DAGLA: variants seen among roughly 807,000 people sequenced by gnomAD.
The protein encoded by DAGLA is diacylglycerol lipase-alpha.
A neutral mutation model predicts 102.6 loss-of-function variants in DAGLA; 22 were observed. That is an observed-to-expected ratio of 0.21 (90% confidence interval 0.15 to 0.31). The LOEUF (loss-of-function observed/expected upper bound fraction) is 0.31. Ranked by LOEUF, DAGLA falls within the 10% of genes least tolerant of loss-of-function variation. The pLI is 1.00. For synonymous variants in DAGLA, 578 were observed against 628.9 expected (o/e 0.92, Z 1.21); for missense variants, 927 against 1,446.6 (o/e 0.64, Z 5.83).
Position 61,722,978 on chromosome 11 carries a change from C to A in DAGLA, c.409+18C>A. ...CACCCTCGGTACGTCTGGGTGAGGC[C>A]TGCTGGAGCCTCAGCAGCCCCGGGG... On this transcript the variant is annotated intron_variant, in intron 4 of 19. Transcript: ENST00000257215. 6.3e-7 allele frequency: 1 copy of A among 1,580,326 alleles called. No homozygotes were observed. The highest frequency in any genetic ancestry group is 8.7e-7 in the Non-Finnish European group (1 of 1,149,412).
chr11:61,744,291 C>T lies in DAGLA; in HGVS notation c.2931C>T (p.Ala977=), dbSNP rs145101853. The change falls in exon 20 of 20, where the codon GCC becomes GCT. Residue 977 remains alanine, a synonymous_variant. Transcript: ENST00000257215. ...NLVPKPPRLF[A]GSADPSSGIS... is the part of the protein sequence containing the mutation. ...TGCCCAAGCCCCCACGGCTCTTTGC[C>T]GGCTCAGCCGACCCCTCCTCGGGCA... is the stretch of plus-strand genomic sequence containing the variant. 5.5e-5 allele frequency: 89 copies of T among 1,612,706 alleles called. No homozygotes were observed. The highest frequency in any genetic ancestry group is 6.5e-5 in the Non-Finnish European group (77 of 1,179,876).
chr11:61,737,569 C>A lies in DAGLA; in HGVS notation c.1515-118C>A. The A allele has an allele frequency of 2.7e-6, 3 of 1,122,466 alleles. No individual in the cohort carries two copies. The East Asian group carries it at 7.1e-5, about 27-fold the overall frequency. The allele number at this position is 1,122,466 out of a possible 1,614,324, so 69.5% of individuals were successfully genotyped here. A position where few individuals can be genotyped will look rare whatever the true frequency, so the allele number is the denominator to read the frequency against. On this transcript the variant is annotated intron_variant, in intron 14 of 19. Transcript: ENST00000257215. ...CAACCCAGCCTGCCACCAGCCAGCT[C>A]CCCGGGAGCCATCCCAGGAGTGCAG... is the stretch of plus-strand genomic sequence containing the variant.
At chr11:61,727,600 A>G (rs2065339497) in intron 6 of DAGLA, among the ~76,000 whole-genome samples, 2 of 152,180 alleles carry the variant, frequency 1.3e-5, no homozygotes, top group South Asian at 4.1e-4. Context: ...ATGGGGGACC[A>G]CTGGGCCAGA....
intron 17 of DAGLA, among the ~76,000 whole-genome samples, chr11:61,740,234 G>A (rs2065465656): frequency 6.6e-6 from 1 of 152,246 alleles, no homozygotes; most frequent in Non-Finnish European, 1.5e-5. Context: ...CCAAAAGCAG[G>A]TCGAAGGCTG....
Position 61,720,825 on chromosome 11 carries a change from T to C in DAGLA, c.242T>C (p.Met81Thr), listed in dbSNP as rs1319107673. 1.4e-5 allele frequency: 22 copies of C among 1,613,664 alleles called. No homozygotes were observed. Among genetic ancestry groups the C allele is most frequent in the Non-Finnish European group, 1.9e-5 (22 of 1,180,040 alleles). ...IAEMAIIWLS[M>T]RGGILYTEPR... ...GAGATGGCCATCATCTGGCTGAGCA[T>C]GCGCGGGGGCATCCTCTACACGGAG... The change falls in exon 3 of 20, where the codon ATG (methionine) becomes ACG (threonine). Residue 81 changes from methionine to threonine, a missense_variant. Transcript: ENST00000257215.
At position 61,684,580 on chromosome 11, in the gene DAGLA, A is replaced by G. The variant is rs2064971236; in HGVS notation, c.-45+4076A>G. Among the ~76,000 whole-genome samples, 2 of 151,920 alleles carry G rather than the reference A, an allele frequency of 1.3e-5. No individual in the cohort carries two copies. The highest frequency in any genetic ancestry group is 4.2e-4 in the South Asian group (2 of 4,810). On this transcript the variant is annotated intron_variant, in intron 1 of 19. Transcript: ENST00000257215. The surrounding 1 kb of genome is among the most constrained non-coding windows in gnomAD (Gnocchi z 4.5). ...AGTCCAGGGAGATGCCGTGGAGGGG[A>G]TTGGTGTGACCACGGGTAAGGGTGT...
At chr11:61,704,960 A>C (rs2065137514) in intron 1 of DAGLA, among the ~76,000 whole-genome samples, 1 of 152,058 alleles carries the variant, frequency 6.6e-6, no homozygotes, top group Admixed American at 6.5e-5. Context: ...ACTGCTCCTG[A>C]GTGGGACTCC....
At chr11:61,722,364 C>T (rs893065596) in intron 3 of DAGLA, among the ~76,000 whole-genome samples, 3 of 152,052 alleles carry the variant, frequency 2.0e-5, no homozygotes, top group Admixed American at 6.6e-5. Flanking sequence ...GGCGGGTGGA[C>T]CACTTGAGGT....
At chr11:61,697,266 C>T (rs2065074287) in intron 1 of DAGLA, among the ~76,000 whole-genome samples, 1 of 152,202 alleles carries the variant, frequency 6.6e-6, no homozygotes, top group Admixed American at 6.5e-5. Flanking sequence ...GTAGGCCCAA[C>T]CCTACCCAGC....
At chr11:61,733,572 C>T (rs1353360325) in intron 9 of DAGLA, among the ~76,000 whole-genome samples, 2 of 152,252 alleles carry the variant, frequency 1.3e-5, no homozygotes, top group Admixed American at 6.5e-5. Context: ...TGGGCTCCAG[C>T]GTCTGGTGCC....
intron 2 of DAGLA, 29 bp downstream of exon 2, chr11:61,720,279 C>T: frequency 6.2e-7 from 1 of 1,606,058 alleles, no homozygotes; most frequent in Non-Finnish European, 8.5e-7. Flanking sequence ...GGCCACAGGC[C>T]TGGGTTTGGA....
intron 1 of DAGLA, among the ~76,000 whole-genome samples, chr11:61,700,942 G>A (rs1324342801): frequency 6.6e-6 from 1 of 152,246 alleles, no homozygotes; most frequent in Admixed American, 6.5e-5. Flanking sequence ...CACAGTGAGC[G>A]ATGCTGGGAG....
At chr11:61,717,970 G>A (rs1261416690) in intron 1 of DAGLA, among the ~76,000 whole-genome samples, 3 of 152,234 alleles carry the variant, frequency 2.0e-5, no homozygotes, top group Non-Finnish European at 4.4e-5. Context: ...TTCGGGCAGA[G>A]GAGGGGAGTG....
chr11:61,738,063 C>T (rs927456347), intron 15 of DAGLA, 72 bp from the exon 16 acceptor site: 21 of 1,258,814 alleles, frequency 1.7e-5, no homozygotes, highest in Admixed American at 1.0e-4. Context: ...CCTGCCCCTC[C>T]GCCCCTGGCC....
At chr11:61,737,905 G>A in intron 15 of DAGLA, 150 bp downstream of exon 15, 1 of 781,156 alleles carries the variant, frequency 1.3e-6, no homozygotes, top group Non-Finnish European at 2.1e-6. Flanking sequence ...TTGCCCAGTG[G>A]TGAGAAGCCC....
intron 1 of DAGLA, among the ~76,000 whole-genome samples, chr11:61,690,074 G>A (rs896200625): frequency 6.6e-6 from 1 of 152,138 alleles, no homozygotes; most frequent in Non-Finnish European, 1.5e-5. Context: ...GAGCTTCCAG[G>A]CACCGCAAAC....
At chr11:61,700,560 G>A (rs531789855) in intron 1 of DAGLA, among the ~76,000 whole-genome samples, 60 of 152,338 alleles carry the variant, frequency 3.9e-4, no homozygotes, top group African/African-American at 9.9e-4. Context: ...GCCTGTGATC[G>A]TGGTCCTCAG....
intron 1 of DAGLA, among the ~76,000 whole-genome samples, chr11:61,691,126 C>T (rs978340786): frequency 3.9e-5 from 6 of 152,210 alleles, no homozygotes; most frequent in Non-Finnish European, 1.5e-5. Flanking sequence ...TTTCTTCGCC[C>T]CTTTAATCCC....
At position 61,723,373 on chromosome 11, in the gene DAGLA, C is replaced by T. The variant is rs906180239; in HGVS notation, c.410-61C>T. 7.6e-6 allele frequency: 12 copies of T among 1,581,906 alleles called. No individual in the cohort carries two copies. The Admixed American group carries it at 1.0e-4, about 13-fold the overall frequency. On this transcript the variant is annotated intron_variant, in intron 4 of 19. Coordinates refer to ENST00000257215, the MANE Select transcript of DAGLA (RefSeq NM_006133.3). ...GGCTCCAATGTCCCTTTCTTCAGAG[C>T]GGGTGAGCCAGAGAGGTGTCCCCAG... is the stretch of plus-strand genomic sequence containing the variant.
Sources: allele counts gnomAD v4.1 joint callset (sites outside exome capture counted in the v4.1 genomes callset), GRCh38; gene constraint gnomAD v4.1.1; non-coding constraint Gnocchi (gnomAD v3.1); transcripts MANE v1.5; gene names NCBI Gene and HGNC (gene_info 2026-07-23, HGNC 2026-07-21).